NFKBIZ: variants seen among roughly 807,000 people sequenced by gnomAD.
NFKBIZ encodes the protein NFKB inhibitor zeta, also known as NF-kappa-B inhibitor zeta.
A neutral mutation model predicts 76.8 loss-of-function variants in NFKBIZ; 19 were observed. The observed-to-expected ratio is 0.25, with a 90% CI of 0.17 to 0.36. NFKBIZ has a LOEUF of 0.36. Among genes scored for constraint, NFKBIZ ranks in the 10% least tolerant of loss-of-function variants. The probability of loss-of-function intolerance (pLI) is 1.00; values close to 1 mark genes in which losing one functional copy is unlikely to be tolerated. For missense variants in NFKBIZ, 829 were observed against 910.9 expected, an observed-to-expected ratio of 0.91 and a Z score of 1.16; for synonymous variants, 368 against 354.8, an observed-to-expected ratio of 1.04 and a Z score of -0.42.
At chr3:101,834,732 C>T (rs573864257) in intron 2 of NFKBIZ, among the ~76,000 whole-genome samples, 82 of 152,382 alleles carry the variant, frequency 5.4e-4, no homozygotes, top group African/African-American at 1.9e-3. Context: ...CAGTTCCCCT[C>T]TTTCCATGCC....
Position 101,831,608 on chromosome 3 carries a change from C to T in NFKBIZ, c.-12+1920C>T, listed in dbSNP as rs564275923. 4.0e-5 allele frequency among the ~76,000 whole-genome samples: 6 copies of T among 151,212 alleles called. No homozygotes were observed. In the East Asian group the frequency reaches 9.7e-4, roughly 24 times the overall value. ...TCCTTTTTCTCCTTCTCCTTCTTCTCCTCCTTCTCCTCTTTTTCTTTTTCC... is the reference window on the plus strand; with the variant it reads ...TCCTTTTTCTCCTTCTCCTTCTTCTTCTCCTTCTCCTCTTTTTCTTTTTCC... On this transcript the variant is annotated intron_variant, in intron 2 of 12. Coordinates refer to the NFKBIZ transcript ENST00000394054.
chr3:101,851,705 G>A (rs1442261748), intron 1 of NFKBIZ, among the ~76,000 whole-genome samples: 3 of 152,196 alleles, frequency 2.0e-5, no homozygotes, highest in Non-Finnish European at 4.4e-5. Flanking sequence ...ATGAGAGTCA[G>A]GATGGCAAAA....
chr3:101,831,446 G>C (rs999999781), intron 2 of NFKBIZ, among the ~76,000 whole-genome samples: 1 of 152,112 alleles, frequency 6.6e-6, no homozygotes, highest in Non-Finnish European at 1.5e-5. Context: ...GAGGTCAAAA[G>C]ATTTTTCTGT....
upstream of NFKBIZ, among the ~76,000 whole-genome samples, chr3:101,846,319 C>T (rs1241962619): frequency 6.6e-6 from 1 of 152,226 alleles, no homozygotes; most frequent in Non-Finnish European, 1.5e-5. Context: ...AGCATCCTAT[C>T]ATTCGACTTA....
intron 1 of NFKBIZ, among the ~76,000 whole-genome samples, 194 bp downstream of exon 1, chr3:101,850,111 C>T (rs1942928324): frequency 6.6e-6 from 1 of 152,154 alleles, no homozygotes; most frequent in Admixed American, 6.5e-5. Context: ...CGCCGGCCCG[C>T]GGAACCGGCT....
rs1380110617 is a variant in NFKBIZ at position 101,857,478 on chromosome 3, A to G, written c.2103+19A>G. The G allele has an allele frequency of 3.7e-6, 6 of 1,613,176 alleles. No individual in the cohort carries two copies. The highest frequency in any genetic ancestry group is 5.1e-6 in the Non-Finnish European group (6 of 1,179,946). On this transcript the variant is annotated intron_variant, in intron 11 of 11. Transcript: ENST00000326172. ...AGAACAGGTGAGAGGCACAGGAGGGAGAGGAAGTATTTTTTGGCACTGCAG... is the reference window on the plus strand; with the variant it reads ...AGAACAGGTGAGAGGCACAGGAGGGGGAGGAAGTATTTTTTGGCACTGCAG...
chr3:101,855,567 A>G, intron 8 of NFKBIZ, 109 bp downstream of exon 8: 1 of 1,268,920 alleles, frequency 7.9e-7, no homozygotes, highest in Non-Finnish European at 1.1e-6. Context: ...AATATTCTGT[A>G]GGTAAAATTA....
rs146355720 is a variant in NFKBIZ, at chr3:101,853,473, C to G, written c.947C>G (p.Pro316Arg). The G allele has an allele frequency of 7.1e-5, 114 of 1,614,206 alleles. No homozygotes were observed. In the African/African-American group the frequency reaches 1.4e-3, roughly 20 times the overall value. ...CTGGAATACAGTCCTTTTCCCATAC[C>G]TCCCCAGTCCCCCGCTTATGAACCA... Reference protein sequence around the residue: ...PTLEYSPFPIPPQSPAYEPNL... With the variant: ...PTLEYSPFPIRPQSPAYEPNL... Residue 316 changes from proline to arginine, a missense_variant, in exon 5 of 12, where the codon CCT (proline) becomes CGT (arginine). Pro to Arg is a moderately radical substitution (Grantham distance 103). Around this residue, in one of 4 missense-constraint regions of NFKBIZ, gnomAD observed 371 missense variants for 332.3 expected, o/e 1.12. Coordinates refer to ENST00000326172, the MANE Select transcript of NFKBIZ (RefSeq NM_031419.4).
rs1391988625 is a variant in NFKBIZ at position 101,849,532 on chromosome 3, C to T, written c.-97C>T. On this transcript the variant is annotated 5_prime_UTR_variant, in exon 1 of 12. Coordinates refer to ENST00000326172, the MANE Select transcript of NFKBIZ (RefSeq NM_031419.4). ...CGCGCCCGTACTGGCCCGCGCCGTC[C>T]GCCCGCCGACAGCTCCCTGAGCCAG... 2.7e-6 allele frequency: 3 copies of T among 1,117,358 alleles called. No homozygotes were observed. Among genetic ancestry groups the T allele is most frequent in the Admixed American group, 4.3e-5 (1 of 23,172 alleles). 69.2% of individuals were successfully genotyped at this position (1,117,358 alleles called of 1,614,324 possible).
chr3:101,853,817 A>C lies in NFKBIZ; in HGVS notation c.1291A>C (p.Asn431His). The change falls in exon 5 of 12, where the codon AAT becomes CAT. Residue 431 changes from asparagine to histidine, a missense_variant. Asn to His is a moderately conservative substitution (Grantham distance 68). Coordinates refer to ENST00000326172, the MANE Select transcript of NFKBIZ (RefSeq NM_031419.4). Reference sequence around the variant, plus strand: ...GGAGCAGGAAGAAAGCAAATTGGCAAATATTTCCCAAGACCAGTTTCTTTC... The same window carrying C: ...GGAGCAGGAAGAAAGCAAATTGGCACATATTTCCCAAGACCAGTTTCTTTC... Reference protein sequence around the residue: ...QVEQEESKLANISQDQFLSKD... With the variant: ...QVEQEESKLAHISQDQFLSKD... 1 of 1,613,538 alleles carries C rather than the reference A, an allele frequency of 6.2e-7. No homozygotes were observed.
Position 101,860,889 on chromosome 3 carries a change from T to A in NFKBIZ, c.*1518T>A, listed in dbSNP as rs1327716250. The A allele has an allele frequency of 6.6e-6, 1 of 151,882 alleles. No individual in the cohort carries two copies. Among genetic ancestry groups the A allele is most frequent in the Non-Finnish European group, 1.5e-5 (1 of 67,974 alleles). 9.4% of individuals were successfully genotyped at this position (151,882 alleles called of 1,614,324 possible). The stretch of plus-strand genomic sequence containing the variant: ...TTTAAAAAGATACCCTTTGGATTGA[T>A]CACATTGTTTGACCCAGTATGTCTT... On this transcript the variant is annotated 3_prime_UTR_variant, in exon 12 of 12. Transcript: ENST00000326172.
chr3:101,830,445 C>G (rs1203839450), intron 2 of NFKBIZ, among the ~76,000 whole-genome samples: 1 of 152,186 alleles, frequency 6.6e-6, no homozygotes. Flanking sequence ...AGGTACTGAT[C>G]ATAGTTATTT....
intron 2 of NFKBIZ, among the ~76,000 whole-genome samples, chr3:101,838,323 T>G (rs1942748083): frequency 6.6e-6 from 1 of 152,196 alleles, no homozygotes; most frequent in South Asian, 2.1e-4. Flanking sequence ...GCAAGTAAAC[T>G]GAGGCTCAGA....
rs1560086723 is a variant in NFKBIZ at position 101,849,921 on chromosome 3, C to T, written c.289+4C>T. 2.8e-6 allele frequency: 4 copies of T among 1,412,654 alleles called. No homozygotes were observed. Among genetic ancestry groups the T allele is most frequent in the Non-Finnish European group, 2.7e-6 (3 of 1,092,628 alleles). The allele number at this position is 1,412,654 out of a possible 1,614,324, so 87.5% of individuals were successfully genotyped here. A position where few individuals can be genotyped will look rare whatever the true frequency, so the allele number is the denominator to read the frequency against. ...GCCCGCGCCGAGCGCCAGCCAGGTACCCGCCGGCCCCGCACCGCTGCGTAC... is the reference window on the plus strand; with the variant it reads ...GCCCGCGCCGAGCGCCAGCCAGGTATCCGCCGGCCCCGCACCGCTGCGTAC... On this transcript the variant is annotated splice_donor_region_variant and intron_variant, in intron 1 of 11. Transcript: ENST00000326172.
At chr3:101,854,952 G>A in intron 6 of NFKBIZ, 110 bp from the exon 7 acceptor site, 2 of 1,216,268 alleles carry the variant, frequency 1.6e-6, no homozygotes, top group Non-Finnish European at 2.3e-6. Context: ...TTATTCAAAG[G>A]ATTTATTTTC....
intron 11 of NFKBIZ, chr3:101,857,905 T>G (rs1011616607): frequency 2.3e-6 from 2 of 864,142 alleles, no homozygotes; most frequent in Admixed American, 1.2e-4. Flanking sequence ...CATCAATAGT[T>G]AGAATTATTT....
At chr3:101,845,269 A>G (rs111760829), upstream of NFKBIZ, among the ~76,000 whole-genome samples, 2,653 of 150,710 alleles carry the variant, frequency 0.018, 70 homozygotes, top group African/African-American at 0.06. Context: ...CTCTGTCTCA[A>G]AAAAAGAAAA....
chr3:101,840,742 CTT>C (rs1311099076), intron 2 of NFKBIZ, among the ~76,000 whole-genome samples: 1 of 152,202 alleles, frequency 6.6e-6, no homozygotes, highest in Non-Finnish European at 1.5e-5. Flanking sequence ...TGTGACCTGA[CTT>C]TGTGCAAGGT....
In NFKBIZ at chr3:101,854,461, A is replaced by G. The variant is rs913094382; in HGVS notation, c.1338-117A>G. On this transcript the variant is annotated intron_variant, in intron 5 of 11. Coordinates refer to ENST00000326172, the MANE Select transcript of NFKBIZ (RefSeq NM_031419.4). ...GACAAATTATGCTTTGTAATGTTTC[A>G]TTTGAGTGTACCAATATATAAAAAG... The G allele has an allele frequency of 1.4e-5, 9 of 636,946 alleles. No homozygotes were observed. In the East Asian group the frequency reaches 2.2e-4, roughly 16 times the overall value. The allele number at this position is 636,946 out of a possible 1,614,324, so 39.5% of individuals were successfully genotyped here.
Sources: allele counts gnomAD v4.1 joint callset (sites outside exome capture counted in the v4.1 genomes callset), GRCh38; gene constraint gnomAD v4.1.1; regional missense constraint gnomAD v4.1.1; transcripts MANE v1.5; gene names NCBI Gene and HGNC (gene_info 2026-07-23, HGNC 2026-07-21).